CDCA2: variants seen among roughly 807,000 people sequenced by gnomAD.
The protein encoded by CDCA2 is cell division cycle-associated protein 2.
A neutral mutation model predicts 67.0 loss-of-function variants in CDCA2; 44 were observed. The observed-to-expected ratio is 0.66, with a 90% CI of 0.52 to 0.84. CDCA2 has a LOEUF of 0.84. CDCA2 is among the 40% of genes least tolerant of loss of function. CDCA2 has a pLI of 0.00. For missense variants in CDCA2, 1,253 were observed against 1,203.2 expected (o/e 1.04, Z -0.61); for synonymous variants, 447 against 418.7 (o/e 1.07, Z -0.82).
In CDCA2 at chr8:25,486,708, A is replaced by T. The variant is rs1253052481; in HGVS notation, c.1445-538A>T. 2.0e-5 allele frequency among the ~76,000 whole-genome samples: 3 copies of T among 151,710 alleles called. No homozygotes were observed. In the East Asian group the frequency reaches 5.8e-4, roughly 30 times the overall value. ...CGGGTGCCTATAATCTCAGCTACTCAGGAGGCTGAGGCAGAAGAATCACTT... is the reference window on the plus strand; with the variant it reads ...CGGGTGCCTATAATCTCAGCTACTCTGGAGGCTGAGGCAGAAGAATCACTT... On this transcript the variant is annotated intron_variant, in intron 11 of 14. Transcript: ENST00000330560.
At chr8:25,495,513 C>T (rs1333307700) in intron 13 of CDCA2, among the ~76,000 whole-genome samples, 2 of 152,006 alleles carry the variant, frequency 1.3e-5, no homozygotes, top group Admixed American at 6.6e-5. Flanking sequence ...CTCCCGGGTT[C>T]ATGCCATTCT....
chr8:25,463,750 G>C (rs1253132608), intron 4 of CDCA2, among the ~76,000 whole-genome samples: 1 of 152,164 alleles, frequency 6.6e-6, no homozygotes, highest in Non-Finnish European at 1.5e-5. Flanking sequence ...CGGCTGCTCA[G>C]AATCTTCCCA....
At chr8:25,470,773 T>TC (rs796186589) in intron 7 of CDCA2, among the ~76,000 whole-genome samples, 7 of 152,048 alleles carry the variant, frequency 4.6e-5, no homozygotes, top group African/African-American at 1.7e-4. Flanking sequence ...TTTCTTTTTT[T>TC]TTTTTTAAGG....
At chr8:25,487,359 G>C in intron 12 of CDCA2, 25 bp downstream of exon 12, 1 of 1,454,642 alleles carries the variant, frequency 6.9e-7, no homozygotes, top group Non-Finnish European at 9.6e-7. Context: ...TTGGCACAAC[G>C]TATTTGTTTT....
chr8:25,472,705 T>G (rs1803204913), intron 7 of CDCA2, among the ~76,000 whole-genome samples: 1 of 152,234 alleles, frequency 6.6e-6, no homozygotes, highest in Non-Finnish European at 1.5e-5. Flanking sequence ...TTGTTTTTCT[T>G]AAATTTATTA....
intron 10 of CDCA2, among the ~76,000 whole-genome samples, chr8:25,484,596 T>A (rs1324577953): frequency 6.6e-6 from 1 of 151,250 alleles, no homozygotes. Flanking sequence ...ATGATTTTTT[T>A]TTTTTTTTTT....
rs146273040 is a variant in CDCA2 at position 25,506,348 on chromosome 8, G to A, written c.1844-162G>A. On this transcript the variant is annotated intron_variant, in intron 14 of 14. Coordinates refer to ENST00000330560, the MANE Select transcript of CDCA2 (RefSeq NM_152562.4). ...GTGGATCGTTGGAGAACTAAAAGAG[G>A]AGGAGGAGGATGACAGAAGGGCAAG... is the stretch of plus-strand genomic sequence containing the variant. Among the ~76,000 whole-genome samples the A allele has an allele frequency of 5.2e-3, 789 of 152,320 alleles. 5 individuals are homozygous for A. The highest frequency in any genetic ancestry group is 0.024 in the Middle Eastern group (7 of 294).
chr8:25,484,223 A>G lies in CDCA2; in HGVS notation c.1365+13A>G. The G allele has an allele frequency of 6.2e-7, 1 of 1,611,638 alleles. No individual in the cohort carries two copies. Among genetic ancestry groups the G allele is most frequent in the Non-Finnish European group, 8.5e-7 (1 of 1,177,962 alleles). Reference sequence around the variant, plus strand: ...GGGGGAGAATCTTGTAAGTATGAAAAGCGTGGAACAAGCTTGCCATATGTA... The same window carrying G: ...GGGGGAGAATCTTGTAAGTATGAAAGGCGTGGAACAAGCTTGCCATATGTA... On this transcript the variant is annotated intron_variant, in intron 10 of 14. Transcript: ENST00000330560.
At chr8:25,499,036 G>A (rs1285974027) in intron 13 of CDCA2, among the ~76,000 whole-genome samples, 1 of 152,180 alleles carries the variant, frequency 6.6e-6, no homozygotes, top group Admixed American at 6.5e-5. Flanking sequence ...GGGGAGTATA[G>A]ATGAATCATG....
chr8:25,487,337 A>C lies in CDCA2; in HGVS notation c.1533+3A>C. On this transcript the variant is annotated splice_donor_region_variant and intron_variant, in intron 12 of 14. Coordinates refer to ENST00000330560, the MANE Select transcript of CDCA2 (RefSeq NM_152562.4). ...CAAGGACTTCTAACAGAAGAAATGTAAGTGTTTGTGTTTGGCACAACGTAT... is the reference window on the plus strand; with the variant it reads ...CAAGGACTTCTAACAGAAGAAATGTCAGTGTTTGTGTTTGGCACAACGTAT... 6.4e-7 allele frequency: 1 copy of C among 1,574,224 alleles called. No homozygotes were observed. The highest frequency in any genetic ancestry group is 8.7e-7 in the Non-Finnish European group (1 of 1,146,432).
chr8:25,485,799 G>T lies in CDCA2; in HGVS notation c.1406G>T (p.Ser469Ile). The T allele has an allele frequency of 6.2e-7, 1 of 1,607,728 alleles. No homozygotes were observed. Among genetic ancestry groups the T allele is most frequent in the South Asian group, 1.1e-5 (1 of 90,056 alleles). ...EPLQVSFAVLSSPNKSSISET... is the reference protein window; with the variant it reads ...EPLQVSFAVLISPNKSSISET... Reference sequence around the variant, plus strand: ...CTTCAAGTATCATTTGCCGTTCTCAGTTCTCCTAATAAATCATCAATCTCT... The same window carrying T: ...CTTCAAGTATCATTTGCCGTTCTCATTTCTCCTAATAAATCATCAATCTCT... Residue 469 changes from serine to isoleucine, a missense_variant, in exon 11 of 15, where the codon AGT becomes ATT. Coordinates refer to ENST00000330560, the MANE Select transcript of CDCA2 (RefSeq NM_152562.4).
intron 13 of CDCA2, among the ~76,000 whole-genome samples, chr8:25,490,217 A>G (rs939209205): frequency 1.3e-5 from 2 of 152,140 alleles, no homozygotes; most frequent in African/African-American, 4.8e-5. Context: ...GTGTGTATAT[A>G]TATTTTAAAG....
At chr8:25,470,755 G>A (rs1803119390) in intron 7 of CDCA2, among the ~76,000 whole-genome samples, 1 of 144,028 alleles carries the variant, frequency 6.9e-6, no homozygotes, top group Non-Finnish European at 1.5e-5. Context: ...AGCTGTATGT[G>A]CTTTGTTTTT....
intron 13 of CDCA2, among the ~76,000 whole-genome samples, chr8:25,499,980 G>C (rs560809619): frequency 6.6e-6 from 1 of 152,310 alleles, no homozygotes; most frequent in South Asian, 2.1e-4. Context: ...AGCTCTGCCA[G>C]ATGTATTTTC....
At chr8:25,462,000 G>A in intron 3 of CDCA2, 54 bp from the exon 4 acceptor site, 1 of 1,534,678 alleles carries the variant, frequency 6.5e-7, no homozygotes, top group Non-Finnish European at 9.0e-7. Context: ...TATTGGATGT[G>A]GTTACTGATG....
chr8:25,462,987 G>C (rs540043700), intron 4 of CDCA2, among the ~76,000 whole-genome samples: 56 of 152,190 alleles, frequency 3.7e-4, no homozygotes, highest in South Asian at 2.1e-4. Flanking sequence ...GGTATTTTTA[G>C]AGTTATGAGA....
intron 6 of CDCA2, among the ~76,000 whole-genome samples, 164 bp downstream of exon 6, chr8:25,468,577 C>G (rs74496416): frequency 5.3e-3 from 460 of 86,540 alleles, no homozygotes; most frequent in Non-Finnish European, 9.0e-3. Context: ...GTGTGTGTTT[C>G]CTACCTGTTA....
chr8:25,499,401 T>C (rs2117547107), intron 13 of CDCA2, among the ~76,000 whole-genome samples: 1 of 143,882 alleles, frequency 7.0e-6, no homozygotes, highest in South Asian at 2.3e-4. Context: ...CCTCCCAGGC[T>C]CAAGTGATTC....
At chr8:25,504,038 A>G (rs1254815017) in intron 14 of CDCA2, among the ~76,000 whole-genome samples, 1 of 152,092 alleles carries the variant, frequency 6.6e-6, no homozygotes, top group Non-Finnish European at 1.5e-5. Context: ...AAAAAGGAAC[A>G]AAAAAAGTCA....
Sources: allele counts gnomAD v4.1 joint callset (sites outside exome capture counted in the v4.1 genomes callset), GRCh38; gene constraint gnomAD v4.1.1; transcripts MANE v1.5; gene names NCBI Gene and HGNC (gene_info 2026-07-23, HGNC 2026-07-21).